RORA: variants seen among roughly 807,000 people sequenced by gnomAD.
RORA encodes the protein RAR related orphan receptor A.
In RORA, 7 loss-of-function variants were observed where a neutral mutation model predicts 69.5. The observed-to-expected ratio is 0.10, with a 90% CI of 0.06 to 0.19. The LOEUF is 0.19. RORA is among the 10% of genes least tolerant of loss of function. The pLI, the probability that RORA is intolerant of heterozygous loss-of-function variation, is 1.00. For missense variants in RORA, 457 were observed against 663.0 expected (o/e 0.69, Z 3.41); for synonymous variants, 261 against 240.8 (o/e 1.08, Z -0.78).
At chr15:61,208,453 A>G (rs1247019092) in intron 1 of RORA, among the ~76,000 whole-genome samples, 1 of 152,226 alleles carries the variant, frequency 6.6e-6, no homozygotes, top group African/African-American at 2.4e-5. Context: ...GGGCTGATGG[A>G]AATGTTGAAC....
chr15:60,993,942 T>C, intron 1 of RORA, among the ~76,000 whole-genome samples: 1 of 152,064 alleles, frequency 6.6e-6, no homozygotes, highest in Non-Finnish European at 1.5e-5. Context: ...CAAAGGAAAA[T>C]AAAATATAAT....
intron 1 of RORA, among the ~76,000 whole-genome samples, chr15:60,829,040 G>T (rs142264013): frequency 1.3e-5 from 2 of 152,132 alleles, no homozygotes; most frequent in Non-Finnish European, 2.9e-5. Flanking sequence ...CCATGGGTCG[G>T]GGGGAGTGAT....
intron 1 of RORA, among the ~76,000 whole-genome samples, chr15:60,950,912 T>A (rs965038122): frequency 6.8e-6 from 1 of 147,310 alleles, no homozygotes; most frequent in African/African-American, 2.5e-5. Flanking sequence ...TACCCAGGAA[T>A]TGAACTCAGC....
chr15:60,522,179 ACTTTT>A (rs1567057996), intron 3 of RORA, among the ~76,000 whole-genome samples: 1 of 152,164 alleles, frequency 6.6e-6, no homozygotes, highest in Non-Finnish European at 1.5e-5. Context: ...AAAATTAACT[ACTTTT>A]TAATGATTAT....
At chr15:60,706,053 T>C (rs180857991) in intron 1 of RORA, among the ~76,000 whole-genome samples, 15 of 152,124 alleles carry the variant, frequency 9.9e-5, no homozygotes, top group African/African-American at 3.4e-4. Context: ...GGCACACGCA[T>C]AGTTATTTAG....
At chr15:60,554,995 G>A (rs1479329914) in intron 2 of RORA, among the ~76,000 whole-genome samples, 1 of 152,076 alleles carries the variant, frequency 6.6e-6, no homozygotes, top group Non-Finnish European at 1.5e-5. Context: ...CTTTAGAGCT[G>A]CATTATCTCC....
intron 1 of RORA, among the ~76,000 whole-genome samples, chr15:61,168,317 C>T (rs2079556252): frequency 6.6e-6 from 1 of 152,190 alleles, no homozygotes; most frequent in African/African-American, 2.4e-5. Flanking sequence ...CAACCTCCAC[C>T]TTCTGGGTTC....
At chr15:60,925,543 C>A (rs1452167789) in intron 1 of RORA, among the ~76,000 whole-genome samples, 1 of 152,200 alleles carries the variant, frequency 6.6e-6, no homozygotes, top group African/African-American at 2.4e-5. Flanking sequence ...GACTGGCTGT[C>A]CTCAGAGGGG....
chr15:60,612,679 T>G (rs1277941460), intron 2 of RORA, among the ~76,000 whole-genome samples: 8 of 146,692 alleles, frequency 5.5e-5, no homozygotes, highest in Admixed American at 4.1e-4. Context: ...TTTTTTTTTT[T>G]TTTTTTCTCT....
intron 1 of RORA, among the ~76,000 whole-genome samples, chr15:61,077,048 C>T (rs903063520): frequency 2.6e-5 from 4 of 151,968 alleles, no homozygotes; most frequent in Admixed American, 1.3e-4. Context: ...GATTTTGTTG[C>T]GGTAATGCCT....
rs555160850 is a variant in RORA, at chr15:61,081,664, C to T, written c.166+147389G>A. On this transcript the variant is annotated intron_variant, in intron 1 of 10. Coordinates refer to ENST00000335670, the MANE Select transcript of RORA (RefSeq NM_134261.3). ...CTACTAAAAATTCAAAAAAATTAGC[C>T]GGGTGTGGTGGCGGGCGCCTGTAGT... is the stretch of plus-strand genomic sequence containing the variant. 4.0e-3 allele frequency among the ~76,000 whole-genome samples: 614 copies of T among 151,878 alleles called. 4 individuals are homozygous for T. The highest frequency in any genetic ancestry group is 0.017 in the South Asian group (84 of 4,808).
In RORA at chr15:61,188,280, T is replaced by C. The variant is rs371579073; in HGVS notation, c.166+40773A>G. ...CTGTGGCAACTACTCAACTCTGCCA[T>C]TGTGGCCCCAAAGCAGACCCAGGCA... On this transcript the variant is annotated intron_variant, in intron 1 of 10. Coordinates refer to ENST00000335670, the MANE Select transcript of RORA (RefSeq NM_134261.3). Among the ~76,000 whole-genome samples the C allele has an allele frequency of 5.3e-5, 8 of 152,256 alleles. No homozygotes were observed. In the East Asian group the frequency reaches 1.2e-3, roughly 22 times the overall value.
Position 60,494,710 on chromosome 15 carries a change from G to C in RORA, c.*2745C>G, listed in dbSNP as rs1420869702. The stretch of plus-strand genomic sequence containing the variant: ...CCTATTATGTCAATCAGTGGACTTG[G>C]CTCTTAAGCTCCACCGCTGCTTTTC... On this transcript the variant is annotated 3_prime_UTR_variant, in exon 11 of 11. Transcript: ENST00000335670. The C allele has an allele frequency of 6.6e-6, 1 of 152,120 alleles. No individual in the cohort carries two copies. Among genetic ancestry groups the C allele is most frequent in the Non-Finnish European group, 1.5e-5 (1 of 68,020 alleles). 9.4% of individuals were successfully genotyped at this position (152,120 alleles called of 1,614,324 possible).
intron 1 of RORA, among the ~76,000 whole-genome samples, chr15:61,187,558 C>T (rs2140911343): frequency 1.3e-5 from 2 of 152,314 alleles, no homozygotes; most frequent in South Asian, 4.1e-4. Context: ...TTCAACACGG[C>T]CTCTGCATAA....
At chr15:60,913,499 C>T (rs1891788221) in intron 1 of RORA, among the ~76,000 whole-genome samples, 1 of 152,228 alleles carries the variant, frequency 6.6e-6, no homozygotes, top group Admixed American at 6.5e-5. Context: ...GTACAACTTC[C>T]CCCGTGACTG....
At chr15:61,160,803 A>G (rs2079488291) in intron 1 of RORA, among the ~76,000 whole-genome samples, 1 of 152,212 alleles carries the variant, frequency 6.6e-6, no homozygotes, top group African/African-American at 2.4e-5. Context: ...ACGAAGACAT[A>G]AAAGTCACAA....
intron 1 of RORA, among the ~76,000 whole-genome samples, chr15:61,107,375 T>C (rs2078961643): frequency 6.6e-6 from 1 of 152,202 alleles, no homozygotes; most frequent in African/African-American, 2.4e-5. Context: ...TTAAAGGAAG[T>C]CCACTATTCT....
At chr15:60,646,963 T>C (rs2070057615) in intron 2 of RORA, among the ~76,000 whole-genome samples, 2 of 152,170 alleles carry the variant, frequency 1.3e-5, no homozygotes, top group Admixed American at 1.3e-4. Flanking sequence ...AAATTTCCCA[T>C]ATTTATTTTT....
chr15:60,638,028 A>C (rs1191778053), intron 2 of RORA, among the ~76,000 whole-genome samples: 1 of 152,192 alleles, frequency 6.6e-6, no homozygotes, highest in Non-Finnish European at 1.5e-5. Context: ...GAAAATCAGA[A>C]AGGACTTTCT....
Sources: allele counts gnomAD v4.1 joint callset (sites outside exome capture counted in the v4.1 genomes callset), GRCh38; gene constraint gnomAD v4.1.1; transcripts MANE v1.5; gene names NCBI Gene and HGNC (gene_info 2026-07-23, HGNC 2026-07-21).